Variants in SPTA1 observed in about 807,000 individuals in gnomAD.
The protein encoded by SPTA1 is spectrin alpha chain, erythrocytic 1.
In SPTA1, 177 loss-of-function variants were observed where a neutral mutation model predicts 324.7. That is an observed-to-expected ratio of 0.55 (90% CI 0.48 to 0.62). The LOEUF is 0.62. Ranked by LOEUF, SPTA1 falls within the 20% of genes least tolerant of loss-of-function variation. The pLI is 0.00. For synonymous variants in SPTA1, 1,195 were observed against 1,041.3 expected (o/e 1.15, Z -2.84); for missense variants, 3,162 against 2,883.6 (o/e 1.10, Z -2.21).
Position 158,651,447 on chromosome 1 carries a change from G to A in SPTA1, c.3397C>T (p.Arg1133Trp), listed in dbSNP as rs768966753. The A allele has an allele frequency of 3.2e-5, 52 of 1,613,050 alleles. No individual in the cohort carries two copies. In the East Asian group the frequency reaches 6.7e-4, roughly 21 times the overall value. The change falls in exon 24 of 52, where the codon CGG becomes TGG. Residue 1133 changes from arginine to tryptophan, a missense_variant. Transcript: ENST00000643759. Reference sequence around the variant, plus strand: ...GCTACCTTGTTGATATCCCTTAGCCGAGGCTCATTGGTATTCAAATCCTGA... The same window carrying A: ...GCTACCTTGTTGATATCCCTTAGCCAAGGCTCATTGGTATTCAAATCCTGA... Reference protein sequence around the residue: ...FQKDLNTNEPRLRDINKVADD... With the variant: ...FQKDLNTNEPWLRDINKVADD...
chr1:158,636,032 A>T lies in SPTA1; in HGVS notation c.5313T>A (p.Asn1771Lys). The change falls in exon 38 of 52, where the codon AAT becomes AAA. Residue 1771 changes from asparagine to lysine, a missense_variant and splice_region_variant. By Grantham distance (94) the Asn-to-Lys change is moderately conservative. Transcript: ENST00000643759. ...ELVAHEPAIQ[N>K]VLDMAEKLKD... The stretch of plus-strand genomic sequence containing the variant: ...TCAGCTTCTCTGCCATATCCAGCAC[A>T]TTCTGAAGAACAACCCCGATACATG... 1 of 1,614,154 alleles carries T rather than the reference A, an allele frequency of 6.2e-7. No homozygotes were observed. Among genetic ancestry groups the T allele is most frequent in the Non-Finnish European group, 8.5e-7 (1 of 1,180,004 alleles).
In SPTA1 at chr1:158,620,187, G is replaced by A; in HGVS notation, c.6400C>T (p.Leu2134=). Residue 2134 remains leucine, a synonymous_variant, in exon 44 of 52, where the codon CTA becomes TTA. Transcript: ENST00000643759. Reference sequence around the variant, plus strand: ...CAGGTTACCTCAATGATGTCAGATAGGTGCTTCCAGGTCCTTTCCAGCACC... The same window carrying A: ...CAGGTTACCTCAATGATGTCAGATAAGTGCTTCCAGGTCCTTTCCAGCACC... ...VEVLERTWKH[L]SDIIEEREQE... is the part of the protein sequence containing the mutation. 1 of 1,614,122 alleles carries A rather than the reference G, an allele frequency of 6.2e-7. No homozygotes were observed. The highest frequency in any genetic ancestry group is 2.2e-5 in the East Asian group (1 of 44,874).
rs1571392883 is a variant in SPTA1, at chr1:158,626,819, C to T, written c.5833+20G>A. 6.2e-7 allele frequency: 1 copy of T among 1,613,344 alleles called. No individual in the cohort carries two copies. The highest frequency in any genetic ancestry group is 2.2e-5 in the East Asian group (1 of 44,838). ...TAGGGTTTCTCAAACCCAAGGGACC[C>T]TGAACCTGACACATCATACCTATCC... On this transcript the variant is annotated intron_variant, in intron 41 of 51. Transcript: ENST00000643759.
At chr1:158,648,735 T>C (rs1197124785) in intron 25 of SPTA1, 82 bp from the exon 26 acceptor site, 22 of 1,456,374 alleles carry the variant, frequency 1.5e-5, no homozygotes, top group South Asian at 3.6e-5. Flanking sequence ...AAAGTTATCA[T>C]CACTACCACT....
At chr1:158,634,490 G>T in intron 39 of SPTA1, 53 bp downstream of exon 39, 1 of 1,610,216 alleles carries the variant, frequency 6.2e-7, no homozygotes, top group African/African-American at 1.3e-5. Context: ...GACTACCCAA[G>T]AAAATAACCA....
At chr1:158,671,535 T>A in intron 11 of SPTA1, 82 bp from the exon 12 acceptor site, 1 of 1,123,282 alleles carries the variant, frequency 8.9e-7, no homozygotes, top group Non-Finnish European at 1.3e-6. Flanking sequence ...AGACAAGGAC[T>A]AAGGCAGGAG....
intron 50 of SPTA1, 77 bp from the exon 51 acceptor site, chr1:158,613,038 C>T: frequency 1.3e-6 from 2 of 1,511,682 alleles, no homozygotes; most frequent in Non-Finnish European, 1.8e-6. Context: ...TACTCAGTGT[C>T]TCAGAAACAG....
intron 39 of SPTA1, among the ~76,000 whole-genome samples, chr1:158,631,125 G>A (rs538364337): frequency 6.6e-6 from 1 of 152,228 alleles, no homozygotes; most frequent in East Asian, 1.9e-4. Flanking sequence ...TCTACCCAAA[G>A]GAAAAGAAGT....
chr1:158,681,827 T>C (rs1457020342), intron 3 of SPTA1, among the ~76,000 whole-genome samples, 160 bp from the exon 4 acceptor site: 1 of 152,096 alleles, frequency 6.6e-6, no homozygotes, highest in Non-Finnish European at 1.5e-5. Flanking sequence ...GATAGATATA[T>C]GGAAATAGCT....
At chr1:158,651,318 C>G (rs1394877456) in intron 24 of SPTA1, 49 bp downstream of exon 24, 1 of 1,298,526 alleles carries the variant, frequency 7.7e-7, no homozygotes, top group East Asian at 2.3e-5. Context: ...AATGAGGACT[C>G]CCAAAGCCCA....
intron 43 of SPTA1, chr1:158,620,840 G>GAAAAAAAA (rs200959019): frequency 5.9e-4 from 53 of 89,472 alleles, no homozygotes; most frequent in Non-Finnish European, 7.3e-4. Flanking sequence ...TAGTAAACAT[G>GAAAAAAAA]AAAAAAAAAA....
chr1:158,674,093 C>A (rs577982485), intron 10 of SPTA1, among the ~76,000 whole-genome samples: 2 of 151,998 alleles, frequency 1.3e-5, no homozygotes, highest in Admixed American at 6.6e-5. Flanking sequence ...AATATTATGC[C>A]GTTTCTTGAG....
intron 27 of SPTA1, among the ~76,000 whole-genome samples, chr1:158,647,081 C>A (rs1652049304): frequency 6.6e-6 from 1 of 151,990 alleles, no homozygotes; most frequent in Admixed American, 6.6e-5. Flanking sequence ...ACAGTTCAGT[C>A]TACATGAATT....
At position 158,639,678 on chromosome 1, in the gene SPTA1, T is replaced by A. The variant is rs755531027; in HGVS notation, c.4884A>T (p.Thr1628=). ...TGGCCTGATCTTTCATGGCCAGCAA[T>A]GTCTCTGCCTGGAAATAGAGAAATA... ...DFEFWLSEAE[T]LLAMKDQARD... Residue 1628 remains threonine, a synonymous_variant, in exon 35 of 52, where the codon ACA becomes ACT. Transcript: ENST00000643759. The A allele has an allele frequency of 6.2e-7, 1 of 1,613,722 alleles. No individual in the cohort carries two copies. Among genetic ancestry groups the A allele is most frequent in the Non-Finnish European group, 8.5e-7 (1 of 1,179,906 alleles).
intron 39 of SPTA1, among the ~76,000 whole-genome samples, chr1:158,628,190 T>C (rs1650410360): frequency 6.6e-6 from 1 of 152,196 alleles, no homozygotes; most frequent in South Asian, 2.1e-4. Context: ...GACTGCTTTC[T>C]GGAAACATGA....
intron 38 of SPTA1, among the ~76,000 whole-genome samples, chr1:158,635,468 C>T (rs1231189315): frequency 6.6e-6 from 1 of 152,070 alleles, no homozygotes; most frequent in South Asian, 2.1e-4. Flanking sequence ...TACCCAGTCT[C>T]GGGTAGTTCT....
At chr1:158,656,491 A>G (rs946290382) in intron 20 of SPTA1, 73 bp downstream of exon 20, 4 of 1,404,930 alleles carry the variant, frequency 2.8e-6, no homozygotes, top group Non-Finnish European at 4.0e-6. Flanking sequence ...AAAGTAAAAA[A>G]TCAGCAATAA....
intron 15 of SPTA1, among the ~76,000 whole-genome samples, chr1:158,667,318 G>A (rs1653680300): frequency 6.6e-6 from 1 of 152,176 alleles, no homozygotes; most frequent in Admixed American, 6.5e-5. Flanking sequence ...TAAAATATAA[G>A]TGAAGACTCT....
At chr1:158,637,806 A>G (rs1385382565) in intron 36 of SPTA1, among the ~76,000 whole-genome samples, 1 of 152,212 alleles carries the variant, frequency 6.6e-6, no homozygotes, top group African/African-American at 2.4e-5. Flanking sequence ...CCTGTCATGT[A>G]TGTTAACTGC....
Sources: gnomAD v4.1 joint callset for allele counts (sites outside exome capture counted in the v4.1 genomes callset) on GRCh38, gnomAD v4.1.1 for gene constraint, MANE v1.5 for transcripts, NCBI Gene and HGNC (gene_info 2026-07-23, HGNC 2026-07-21) for gene names.